The following THUMPD2 variants were observed in gnomAD, a reference collection of about 807,000 sequenced individuals.
THUMPD2 encodes THUMP domain 2 tRNA and snRNA guanosine methyltransferase.
A neutral mutation model predicts 49.4 loss-of-function variants in THUMPD2; 56 were observed. The observed-to-expected ratio is 1.13, with a 90% CI of 0.91 to 1.41. The LOEUF (loss-of-function observed/expected upper bound fraction) is 1.41, where lower values mean the gene tolerates loss of function less well. Among genes scored for constraint, THUMPD2 ranks in the 40% most tolerant of loss-of-function variants. The pLI is 0.00. For missense variants in THUMPD2, 709 were observed against 594.5 expected, an observed-to-expected ratio of 1.19 and a Z score of -2.00; for synonymous variants, 237 against 205.2, an observed-to-expected ratio of 1.15 and a Z score of -1.32.
At chr2:39,769,440 G>A (rs1326760025) in intron 3 of THUMPD2, 8 of 331,810 alleles carry the variant, frequency 2.4e-5, no homozygotes, top group East Asian at 2.1e-4. Context: ...GGTGGCTCCC[G>A]CCTGTAATCC....
At chr2:39,772,522 A>G (rs1678471773) in intron 1 of THUMPD2, among the ~76,000 whole-genome samples, 1 of 152,226 alleles carries the variant, frequency 6.6e-6, no homozygotes, top group Non-Finnish European at 1.5e-5. Context: ...GAAGCAAGAC[A>G]TATGCATCAA....
intron 5 of THUMPD2, among the ~76,000 whole-genome samples, chr2:39,764,714 G>A (rs1327318890): frequency 2.0e-5 from 3 of 152,120 alleles, no homozygotes; most frequent in Non-Finnish European, 2.9e-5. Flanking sequence ...TGTTGTGCAA[G>A]TCTTCATGTC....
intron 8 of THUMPD2, among the ~76,000 whole-genome samples, chr2:39,752,179 A>C (rs1198769413): frequency 6.6e-6 from 1 of 152,230 alleles, no homozygotes; most frequent in Non-Finnish European, 1.5e-5. Flanking sequence ...CAGATGTCTT[A>C]CTAATTCATG....
intron 8 of THUMPD2, among the ~76,000 whole-genome samples, chr2:39,750,108 T>C (rs1156316108): frequency 1.3e-5 from 2 of 152,190 alleles, no homozygotes; most frequent in Non-Finnish European, 2.9e-5. Flanking sequence ...CCTTTGGATA[T>C]ATGCACTGTA....
In THUMPD2 at chr2:39,769,591, ACTCAGGAGG is replaced by A. The variant is rs1461099453; in HGVS notation, c.672+110_672+118del. 7 of 1,011,358 alleles carry A rather than the reference ACTCAGGAGG, an allele frequency of 6.9e-6. No homozygotes were observed. In the East Asian group the frequency reaches 1.9e-4, roughly 27 times the overall value. 62.6% of individuals were successfully genotyped at this position (1,011,358 alleles called of 1,614,324 possible). A position where few individuals can be genotyped will look rare whatever the true frequency, so the allele number is the denominator to read the frequency against. On this transcript the variant is annotated intron_variant, in intron 3 of 9. Coordinates refer to ENST00000505747, the MANE Select transcript of THUMPD2 (RefSeq NM_025264.5). ...GTGACGCACACCTGTGATCCCAGCTACTCAGGAGGCTGAGGCAAAAGAATCACCTGAACC... is the reference window on the plus strand; with the variant it reads ...GTGACGCACACCTGTGATCCCAGCTACTGAGGCAAAAGAATCACCTGAACC...
intron 1 of THUMPD2, 128 bp from the exon 2 acceptor site, chr2:39,771,768 G>C (rs1398233892): frequency 3.1e-6 from 3 of 972,186 alleles, no homozygotes; most frequent in East Asian, 2.7e-5. Context: ...TATTTGTCAG[G>C]CTCTGTACTA....
At chr2:39,758,785 TAA>T (rs372395566) in intron 6 of THUMPD2, among the ~76,000 whole-genome samples, 39 of 123,110 alleles carry the variant, frequency 3.2e-4, no homozygotes, top group Non-Finnish European at 2.8e-4. Flanking sequence ...ATGGCACATC[TAA>T]AAAAAAAAAA....
intron 2 of THUMPD2, 24 bp downstream of exon 2, chr2:39,771,481 A>C: frequency 6.4e-7 from 1 of 1,572,796 alleles, no homozygotes; most frequent in Non-Finnish European, 8.6e-7. Context: ...GGGTAAAAGC[A>C]ACATGCATAT....
At position 39,766,108 on chromosome 2, in the gene THUMPD2, A is replaced by G. The variant is rs1396481436; in HGVS notation, c.752T>C (p.Ile251Thr). Residue 251 changes from isoleucine to threonine, a missense_variant and splice_region_variant, in exon 5 of 10, where the codon ATC becomes ACC. Transcript: ENST00000505747. The part of the protein sequence containing the change: ...KADLRNPQLE[I>T]FIHLNDIYSV... ...GTAAATGTCATTTAGATGTATAAAG[A>G]TCTGAAAGAACAAACACAGAAGTTA... 1 of 1,571,458 alleles carries G rather than the reference A, an allele frequency of 6.4e-7. No homozygotes were observed. The highest frequency in any genetic ancestry group is 1.4e-5 in the African/African-American group (1 of 72,288).
intron 4 of THUMPD2, chr2:39,766,313 A>C (rs563020110): frequency 5.0e-5 from 20 of 401,320 alleles, no homozygotes; most frequent in South Asian, 3.4e-4. Flanking sequence ...CATTTCATAG[A>C]AAAATTCTGA....
chr2:39,738,558 T>A (rs918980841), intron 9 of THUMPD2, among the ~76,000 whole-genome samples: 12 of 149,472 alleles, frequency 8.0e-5, no homozygotes, highest in Non-Finnish European at 1.3e-4. Context: ...AGAGAGACCC[T>A]GTCTTTAAAA....
intron 8 of THUMPD2, among the ~76,000 whole-genome samples, chr2:39,750,800 A>C (rs1454827801): frequency 6.6e-6 from 1 of 152,248 alleles, no homozygotes; most frequent in East Asian, 1.9e-4. Flanking sequence ...GGTCAGTGAT[A>C]TCGCCATGGC....
intron 8 of THUMPD2, among the ~76,000 whole-genome samples, chr2:39,754,841 T>C (rs183178828): frequency 2.6e-5 from 4 of 152,272 alleles, no homozygotes; most frequent in African/African-American, 4.8e-5. Flanking sequence ...GTTTAGCAAA[T>C]TGGGATGGGT....
intron 5 of THUMPD2, among the ~76,000 whole-genome samples, chr2:39,763,647 C>T (rs1677121504): frequency 6.6e-6 from 1 of 151,970 alleles, no homozygotes; most frequent in African/African-American, 2.4e-5. Flanking sequence ...AAATCCTCTC[C>T]TTCTCTCTTT....
rs143247738 is a variant in THUMPD2 at position 39,761,331 on chromosome 2, C to G, written c.891G>C (p.Lys297Asn). ...ACAGGAAGGAAAACATTTTTCTTAC[C>G]TTAATGTCAGCCAGAGATGCCATTG... is the stretch of plus-strand genomic sequence containing the variant. ...AWAMASLADI[K>N]AGAFVLDPMC... Residue 297 changes from lysine to asparagine, a missense_variant and splice_region_variant, in exon 6 of 10, where the codon AAG (lysine) becomes AAC (asparagine). Coordinates refer to ENST00000505747, the MANE Select transcript of THUMPD2 (RefSeq NM_025264.5). 5 of 1,613,312 alleles carry G rather than the reference C, an allele frequency of 3.1e-6. No individual in the cohort carries two copies. The African/African-American group carries it at 6.7e-5, about 22-fold the overall frequency.
Position 39,771,492 on chromosome 2 carries a change from G to T in THUMPD2, c.262+13C>A. The T allele has an allele frequency of 1.3e-6, 2 of 1,585,518 alleles. No homozygotes were observed. The highest frequency in any genetic ancestry group is 2.0e-5 in the Admixed American group (1 of 51,018). On this transcript the variant is annotated intron_variant, in intron 2 of 9. Transcript: ENST00000505747. ...ATGTGGGTAAAAGCAACATGCATATGAATATGCCATACCTTTACTTACAGA... is the reference window on the plus strand; with the variant it reads ...ATGTGGGTAAAAGCAACATGCATATTAATATGCCATACCTTTACTTACAGA...
intron 8 of THUMPD2, among the ~76,000 whole-genome samples, chr2:39,755,075 T>C (rs1262707329): frequency 6.6e-6 from 1 of 152,184 alleles, no homozygotes; most frequent in Non-Finnish European, 1.5e-5. Context: ...TAAGAAGTCA[T>C]GCTTTACATG....
At chr2:39,772,608 G>T (rs1308389696) in intron 1 of THUMPD2, among the ~76,000 whole-genome samples, 6 of 152,170 alleles carry the variant, frequency 3.9e-5, no homozygotes, top group African/African-American at 1.4e-4. Flanking sequence ...CTCACAGGAA[G>T]CCTAACATGC....
rs1416227670 is a variant in THUMPD2, at chr2:39,766,093, T to C, written c.767A>G (p.Asn256Ser). The C allele has an allele frequency of 2.5e-6, 4 of 1,585,138 alleles. No individual in the cohort carries two copies. In the South Asian group the frequency reaches 4.7e-5, roughly 19 times the overall value. Residue 256 changes from asparagine (N) to serine (S), a missense_variant, in exon 5 of 10, where the codon AAT becomes AGT. Transcript: ENST00000505747. ...AATCCCCACCACAGAGTAAATGTCA[T>C]TTAGATGTATAAAGATCTGAAAGAA... is the stretch of plus-strand genomic sequence containing the variant. ...NPQLEIFIHLNDIYSVVGIPV... is the reference protein window; with the variant it reads ...NPQLEIFIHLSDIYSVVGIPV...
Sources: allele counts gnomAD v4.1 joint callset (sites outside exome capture counted in the v4.1 genomes callset), GRCh38; gene constraint gnomAD v4.1.1; transcripts MANE v1.5; gene names NCBI Gene and HGNC (gene_info 2026-07-23, HGNC 2026-07-21).